NUSAP1: variants seen among roughly 807,000 people sequenced by gnomAD.
NUSAP1 encodes the protein nucleolar and spindle associated protein 1.
A neutral mutation model predicts 52.8 loss-of-function variants in NUSAP1; 32 were observed. That is an observed-to-expected ratio of 0.61 (90% CI 0.46 to 0.81). NUSAP1 has a LOEUF of 0.81. Ranked by LOEUF, NUSAP1 falls within the 40% of genes least tolerant of loss-of-function variation. The pLI is 0.00. For missense variants in NUSAP1, 499 were observed against 522.3 expected (o/e 0.96, Z 0.43); for synonymous variants, 195 against 183.1 (o/e 1.06, Z -0.52).
chr15:41,351,366 C>T (rs572580707), intron 4 of NUSAP1, among the ~76,000 whole-genome samples: 72 of 152,274 alleles, frequency 4.7e-4, no homozygotes, highest in African/African-American at 1.5e-3. Flanking sequence ...GACTACTTTG[C>T]GATGGCTGTC....
chr15:41,340,882 A>G (rs1595529787), intron 1 of NUSAP1, among the ~76,000 whole-genome samples: 1 of 152,312 alleles, frequency 6.6e-6, no homozygotes, highest in East Asian at 1.9e-4. Context: ...CACAAGCAAA[A>G]GCTTGAGCAC....
chr15:41,379,948 A>T (rs2050142957), intron 10 of NUSAP1, 145 bp from the exon 11 acceptor site: 1 of 590,082 alleles, frequency 1.7e-6, no homozygotes, highest in South Asian at 2.3e-5. Context: ...CACTAGGCAG[A>T]GCACAGTGCC....
intron 7 of NUSAP1, among the ~76,000 whole-genome samples, chr15:41,370,844 C>G (rs1451340403): frequency 2.6e-5 from 4 of 151,880 alleles, no homozygotes; most frequent in Non-Finnish European, 5.9e-5. Context: ...ATGGCTTGAG[C>G]CTAGGAGGCA....
intron 7 of NUSAP1, among the ~76,000 whole-genome samples, chr15:41,370,749 CAAAAAA>C (rs60034914): frequency 1.4e-5 from 1 of 70,794 alleles, no homozygotes. Context: ...AACTCCATCT[CAAAAAA>C]AAAAAAAAAA....
chr15:41,364,912 C>T (rs1281626290), intron 6 of NUSAP1, among the ~76,000 whole-genome samples: 3 of 151,800 alleles, frequency 2.0e-5, no homozygotes, highest in Non-Finnish European at 2.9e-5. Context: ...CCATAGCAGC[C>T]GGGAAAGGCT....
At chr15:41,347,946 G>C (rs1274134598) in intron 2 of NUSAP1, among the ~76,000 whole-genome samples, 1 of 151,964 alleles carries the variant, frequency 6.6e-6, no homozygotes, top group Non-Finnish European at 1.5e-5. Flanking sequence ...AACATAGTGA[G>C]ACCCCATTTC....
chr15:41,369,359 C>T (rs2049561276), intron 7 of NUSAP1, among the ~76,000 whole-genome samples: 1 of 152,048 alleles, frequency 6.6e-6, no homozygotes, highest in Non-Finnish European at 1.5e-5. Flanking sequence ...CATTTAAGAA[C>T]ACCATGGTCC....
At chr15:41,341,049 G>T (rs1394705507) in intron 1 of NUSAP1, among the ~76,000 whole-genome samples, 1 of 152,118 alleles carries the variant, frequency 6.6e-6, no homozygotes, top group Admixed American at 6.6e-5. Context: ...AAGAAAAAAA[G>T]AACCCAACCA....
chr15:41,366,121 C>G (rs2049398892), intron 7 of NUSAP1, among the ~76,000 whole-genome samples: 1 of 152,062 alleles, frequency 6.6e-6, no homozygotes, highest in African/African-American at 2.4e-5. Context: ...TTAGTATCCT[C>G]CTTCTAGCTG....
At chr15:41,360,519 TG>T (rs1353907093) in intron 6 of NUSAP1, among the ~76,000 whole-genome samples, 1 of 152,144 alleles carries the variant, frequency 6.6e-6, no homozygotes, top group East Asian at 1.9e-4. Flanking sequence ...GGTTTCACTA[TG>T]TTGGCCAGGC....
chr15:41,370,394 T>TC (rs1199380735), intron 7 of NUSAP1, among the ~76,000 whole-genome samples: 1 of 149,210 alleles, frequency 6.7e-6, no homozygotes, highest in East Asian at 2.0e-4. Flanking sequence ...AATGGGTGAA[T>TC]GGTTGAAGCC....
At chr15:41,360,086 G>C (rs929062024) in intron 6 of NUSAP1, among the ~76,000 whole-genome samples, 12 of 151,342 alleles carry the variant, frequency 7.9e-5, no homozygotes, top group African/African-American at 2.9e-4. Flanking sequence ...AGCCTCCCAA[G>C]TAGTTGGGAT....
intron 6 of NUSAP1, among the ~76,000 whole-genome samples, chr15:41,359,528 A>G (rs993166089): frequency 6.6e-6 from 1 of 152,214 alleles, no homozygotes; most frequent in Non-Finnish European, 1.5e-5. Context: ...GATAAATTGT[A>G]AATAATTTAA....
In NUSAP1 at chr15:41,377,094, G is replaced by A. The variant is rs2049971385; in HGVS notation, c.1124-102G>A. 2.0e-5 allele frequency: 13 copies of A among 649,676 alleles called. No individual in the cohort carries two copies. The South Asian group carries it at 2.1e-4, about 11-fold the overall frequency. 40.2% of individuals were successfully genotyped at this position (649,676 alleles called of 1,614,324 possible). A position where few individuals can be genotyped will look rare whatever the true frequency, so the allele number is the denominator to read the frequency against. The stretch of plus-strand genomic sequence containing the variant: ...AGATTCTGTCTCAAAGAAAAAAAAA[G>A]TATAAATGTTGATAGCAGGTAACCC... On this transcript the variant is annotated intron_variant, in intron 9 of 10. Coordinates refer to ENST00000559596, the MANE Select transcript of NUSAP1 (RefSeq NM_016359.5).
At chr15:41,366,894 A>G (rs1459829926) in intron 7 of NUSAP1, among the ~76,000 whole-genome samples, 1 of 152,228 alleles carries the variant, frequency 6.6e-6, no homozygotes, top group Non-Finnish European at 1.5e-5. Flanking sequence ...GAACATACTC[A>G]TATGAATAGG....
chr15:41,367,853 C>A (rs1167318191), intron 7 of NUSAP1, among the ~76,000 whole-genome samples: 3 of 152,096 alleles, frequency 2.0e-5, no homozygotes, highest in Non-Finnish European at 4.4e-5. Flanking sequence ...TCTGGAGGCC[C>A]TCCTGGGCTT....
intron 2 of NUSAP1, among the ~76,000 whole-genome samples, chr15:41,346,104 C>G (rs2048557606): frequency 6.6e-6 from 1 of 151,488 alleles, no homozygotes; most frequent in African/African-American, 2.4e-5. Flanking sequence ...CCATGCCCAG[C>G]TAATTTTTGT....
intron 1 of NUSAP1, among the ~76,000 whole-genome samples, chr15:41,339,324 A>G (rs1567039485): frequency 6.6e-6 from 1 of 152,120 alleles, no homozygotes; most frequent in Non-Finnish European, 1.5e-5. Context: ...TTATATATTA[A>G]TATAGAGAAA....
At chr15:41,352,914 C>T (rs528028071) in intron 4 of NUSAP1, among the ~76,000 whole-genome samples, 24 of 152,024 alleles carry the variant, frequency 1.6e-4, no homozygotes, top group Non-Finnish European at 2.8e-4. Context: ...CTAATATGTC[C>T]TCATGCTTAG....
Sources: allele counts gnomAD v4.1 joint callset (sites outside exome capture counted in the v4.1 genomes callset), GRCh38; gene constraint gnomAD v4.1.1; transcripts MANE v1.5; gene names NCBI Gene and HGNC (gene_info 2026-07-23, HGNC 2026-07-21).